The following NDUFA12 variants were observed in gnomAD, a reference collection of about 807,000 sequenced individuals.
NDUFA12 encodes the protein NADH dehydrogenase [ubiquinone] 1 alpha subcomplex subunit 12.
NDUFA12 carries 17 observed loss-of-function variants against 20.3 expected under a neutral mutation model. The ratio of observed to expected loss-of-function variants is 0.84; its 90% CI spans 0.57 to 1.26. The LOEUF (loss-of-function observed/expected upper bound fraction) is 1.26. Ranked by LOEUF, NDUFA12 falls within the 50% of genes most tolerant of loss-of-function variation. The probability of loss-of-function intolerance (pLI) is 0.00; values close to 1 mark genes in which losing one functional copy is unlikely to be tolerated. For synonymous variants in NDUFA12, 72 were observed against 63.6 expected, an observed-to-expected ratio of 1.13 and a Z score of -0.63; for missense variants, 191 against 183.7, an observed-to-expected ratio of 1.04 and a Z score of -0.23.
intron 3 of NDUFA12, among the ~76,000 whole-genome samples, chr12:94,991,633 G>A (rs1241747056): frequency 1.3e-5 from 2 of 150,742 alleles, no homozygotes; most frequent in African/African-American, 4.9e-5. Flanking sequence ...AGGCTGAGGC[G>A]GGAGAATTGC....
chr12:94,995,913 T>A (rs1050170452), intron 2 of NDUFA12, among the ~76,000 whole-genome samples: 9 of 151,604 alleles, frequency 5.9e-5, no homozygotes, highest in East Asian at 3.9e-4. Flanking sequence ...TTTTTTTTTT[T>A]AATAAACACA....
chr12:95,002,647 T>A, intron 2 of NDUFA12, 92 bp downstream of exon 2: 5 of 930,388 alleles, frequency 5.4e-6, no homozygotes, highest in Non-Finnish European at 8.8e-6. Flanking sequence ...TTCCAGGTGT[T>A]TTGTAAAAGC....
intron 3 of NDUFA12, among the ~76,000 whole-genome samples, chr12:94,985,346 C>T (rs545460679): frequency 3.3e-5 from 5 of 150,996 alleles, no homozygotes; most frequent in African/African-American, 9.7e-5. Flanking sequence ...GTTGGTAGGC[C>T]GGGCGCAGTG....
Position 94,971,514 on chromosome 12 carries a change from C to T in NDUFA12, c.364G>A (p.Glu122Lys), listed in dbSNP as rs1873885459. The T allele has an allele frequency of 6.2e-7, 1 of 1,614,166 alleles. No homozygotes were observed. Among genetic ancestry groups the T allele is most frequent in the Non-Finnish European group, 8.5e-7 (1 of 1,180,036 alleles). The change falls in exon 4 of 4, where the codon GAA becomes AAA. Residue 122 changes from glutamate (E) to lysine (K), a missense_variant. Physicochemically the swap from Glu to Lys is moderately conservative, Grantham distance 56 (BLOSUM62 1). Coordinates refer to ENST00000327772, the MANE Select transcript of NDUFA12 (RefSeq NM_018838.5). ...NHKFNVTGTP[E>K]QYVPYSTTRK... Reference sequence around the variant, plus strand: ...GTGGTAGAATAAGGTACATATTGTTCTGGGGTGCCAGTCACGTTGAATTTA... The same window carrying T: ...GTGGTAGAATAAGGTACATATTGTTTTGGGGTGCCAGTCACGTTGAATTTA...
chr12:94,980,079 G>A (rs1874187193), intron 3 of NDUFA12, among the ~76,000 whole-genome samples: 4 of 152,152 alleles, frequency 2.6e-5, no homozygotes, highest in Admixed American at 1.3e-4. Flanking sequence ...TTCCCTGGCT[G>A]AAATACTCCT....
At chr12:94,981,160 T>C (rs1446181353) in intron 3 of NDUFA12, among the ~76,000 whole-genome samples, 2 of 152,126 alleles carry the variant, frequency 1.3e-5, no homozygotes, top group African/African-American at 4.8e-5. Flanking sequence ...CTGGGCACGG[T>C]AGTTCACACC....
Position 94,984,171 on chromosome 12 carries a change from T to C in NDUFA12, c.257+9999A>G, listed in dbSNP as rs949102542. On this transcript the variant is annotated intron_variant, in intron 3 of 3. Coordinates refer to ENST00000327772, the MANE Select transcript of NDUFA12 (RefSeq NM_018838.5). ...AGGGAGAAAACTGGAGTGTAAACTG[T>C]AGTGCTGGACTGCCGTCAGTGGTAC... Among the ~76,000 whole-genome samples, 16 of 152,242 alleles carry C rather than the reference T, an allele frequency of 1.1e-4. 2 individuals carry two copies. The highest frequency in any genetic ancestry group is 3.3e-4 in the Admixed American group (5 of 15,302).
intron 3 of NDUFA12, among the ~76,000 whole-genome samples, chr12:94,981,405 AC>A (rs769095099): frequency 6.6e-6 from 1 of 152,224 alleles, no homozygotes; most frequent in Non-Finnish European, 1.5e-5. Flanking sequence ...CCAAGATCGC[AC>A]CACTGAACTC....
At chr12:94,972,482 T>G in intron 3 of NDUFA12, 1 of 454,220 alleles carries the variant, frequency 2.2e-6, no homozygotes, top group South Asian at 1.6e-5. Flanking sequence ...TTAAAACCCA[T>G]GAGGCTCCTG....
intron 3 of NDUFA12, among the ~76,000 whole-genome samples, chr12:94,985,156 T>G (rs547654327): frequency 6.6e-6 from 1 of 151,756 alleles, no homozygotes; most frequent in Admixed American, 6.6e-5. Flanking sequence ...GACTGTGTTT[T>G]TATAAAAAAA....
At chr12:94,971,994 C>T (rs1280101884) in intron 3 of NDUFA12, among the ~76,000 whole-genome samples, 4 of 152,134 alleles carry the variant, frequency 2.6e-5, no homozygotes, top group African/African-American at 9.7e-5. Context: ...ACTATCATGG[C>T]TCATTGCAGC....
chr12:94,993,557 A>C (rs1404399235), intron 3 of NDUFA12, among the ~76,000 whole-genome samples: 1 of 132,556 alleles, frequency 7.5e-6, no homozygotes, highest in South Asian at 2.7e-4. Context: ...CCTGGCAGTC[A>C]GAGGTTGCAG....
chr12:95,003,381 G>A (rs1025643771), intron 1 of NDUFA12, among the ~76,000 whole-genome samples: 3 of 152,172 alleles, frequency 2.0e-5, no homozygotes, highest in African/African-American at 7.2e-5. Context: ...CCTTGCCTCC[G>A]AGTCACAGCT....
At chr12:94,996,128 A>G (rs1258713771) in intron 2 of NDUFA12, among the ~76,000 whole-genome samples, 2 of 151,792 alleles carry the variant, frequency 1.3e-5, no homozygotes, top group African/African-American at 4.8e-5. Flanking sequence ...GGATCACTTG[A>G]GCACGGGAGG....
chr12:94,997,026 A>G, intron 2 of NDUFA12: 1 of 308,392 alleles, frequency 3.2e-6, no homozygotes, highest in Non-Finnish European at 6.3e-6. Flanking sequence ...TTCTAGGTCT[A>G]AAATTCTGTG....
chr12:94,992,302 A>C (rs959579106), intron 3 of NDUFA12, among the ~76,000 whole-genome samples: 2 of 152,212 alleles, frequency 1.3e-5, no homozygotes, highest in Non-Finnish European at 2.9e-5. Context: ...AATTTTAGAG[A>C]CCTAAGGAAT....
At chr12:95,000,404 A>T (rs932494614) in intron 2 of NDUFA12, among the ~76,000 whole-genome samples, 1 of 152,206 alleles carries the variant, frequency 6.6e-6, no homozygotes, top group Admixed American at 6.5e-5. Flanking sequence ...TCACCACTAA[A>T]AAACTTATCC....
chr12:94,990,158 T>C (rs2136067406), intron 3 of NDUFA12, among the ~76,000 whole-genome samples: 1 of 152,050 alleles, frequency 6.6e-6, no homozygotes, highest in South Asian at 2.1e-4. Context: ...GGATGATCTG[T>C]GCAGCAAACC....
At chr12:95,000,434 G>A (rs1215268247) in intron 2 of NDUFA12, among the ~76,000 whole-genome samples, 1 of 152,050 alleles carries the variant, frequency 6.6e-6, no homozygotes, top group African/African-American at 2.4e-5. Flanking sequence ...AAAACCACCT[G>A]TACTCCAAAA....
Sources: gnomAD v4.1 joint callset for allele counts (sites outside exome capture counted in the v4.1 genomes callset) on GRCh38, gnomAD v4.1.1 for gene constraint, MANE v1.5 for transcripts, NCBI Gene and HGNC (gene_info 2026-07-23, HGNC 2026-07-21) for gene names.